USH1C: variants seen among roughly 807,000 people sequenced by gnomAD.
The protein encoded by USH1C is USH1 protein network component harmonin.
A neutral mutation model predicts 119.3 loss-of-function variants in USH1C; 90 were observed. That is an observed-to-expected ratio of 0.75 (90% CI 0.64 to 0.90). The LOEUF (loss-of-function observed/expected upper bound fraction) is 0.90. Among genes scored for constraint, USH1C ranks in the 40% least tolerant of loss-of-function variants. The pLI, the probability that USH1C is intolerant of heterozygous loss-of-function variation, is 0.00. For missense variants in USH1C, 1,165 were observed against 1,167.7 expected (o/e 1.00, Z 0.03); for synonymous variants, 465 against 443.3 (o/e 1.05, Z -0.62).
intron 19 of USH1C, among the ~76,000 whole-genome samples, 159 bp downstream of exon 19, chr11:17,505,671 T>A (rs1466456521): frequency 6.6e-6 from 1 of 152,280 alleles, no homozygotes; most frequent in Admixed American, 6.5e-5. Flanking sequence ...CTTACACCCA[T>A]GTGGCCTCAT....
intron 14 of USH1C, chr11:17,516,696 A>C (rs1850160856): frequency 6.4e-6 from 2 of 312,500 alleles, no homozygotes; most frequent in Admixed American, 4.4e-5. Flanking sequence ...TCCATACAAA[A>C]AATGGCTCGA....
intron 1 of USH1C, among the ~76,000 whole-genome samples, chr11:17,537,605 A>G (rs138419282): frequency 5.5e-4 from 84 of 152,246 alleles, no homozygotes; most frequent in African/African-American, 2.0e-3. Flanking sequence ...ATTCATCACA[A>G]AAAAGTAGGT....
At chr11:17,502,061 C>G in intron 20 of USH1C, 81 bp from the exon 21 acceptor site, 1 of 1,475,560 alleles carries the variant, frequency 6.8e-7, no homozygotes, top group Non-Finnish European at 9.4e-7. Flanking sequence ...GATGAATGGT[C>G]GGAATCCAAG....
In USH1C at chr11:17,527,302, T is replaced by C; in HGVS notation, c.417A>G (p.Gly139=). ...CATGGGTACAGGAGGAGATGGAATA[T>C]CCATTGATCCGGACGATCTCGTCCC... The part of the protein sequence containing the change: ...QVGDEIVRIN[G]YSISSCTHEE... The change falls in exon 5 of 27, where the codon GGA becomes GGG. Residue 139 remains glycine, a synonymous_variant. Transcript: ENST00000005226. 1.2e-6 allele frequency: 2 copies of C among 1,612,880 alleles called. 1 individual carries two copies. Among genetic ancestry groups the C allele is most frequent in the South Asian group, 2.2e-5 (2 of 90,994 alleles).
At chr11:17,509,149 C>T (rs1849758769) in intron 18 of USH1C, among the ~76,000 whole-genome samples, 1 of 152,168 alleles carries the variant, frequency 6.6e-6, no homozygotes, top group Admixed American at 6.5e-5. Flanking sequence ...GGCCATTCAC[C>T]ATACAATACA....
rs773939586 is a variant in USH1C at position 17,521,436 on chromosome 11, T to TGTTTG, written c.1020-30_1020-26dup. 103 of 1,611,830 alleles carry TGTTTG rather than the reference T, an allele frequency of 6.4e-5. No homozygotes were observed. In the Middle Eastern group the frequency reaches 6.6e-4, roughly 10 times the overall value. On this transcript the variant is annotated intron_variant, in intron 12 of 26. Transcript: ENST00000005226. ...TCTGAAACACAAATGCAGATTGGCA[T>TGTTTG]GTTTGGCCCTATGCAAGAGAAATGA...
intron 2 of USH1C, among the ~76,000 whole-genome samples, chr11:17,532,160 G>A (rs561977137): frequency 4.2e-4 from 64 of 152,080 alleles, no homozygotes; most frequent in African/African-American, 1.5e-3. Context: ...TATGATCTCC[G>A]TGCCCTCCCA....
At chr11:17,524,117 G>T (rs886436651) in intron 9 of USH1C, among the ~76,000 whole-genome samples, 3 of 152,120 alleles carry the variant, frequency 2.0e-5, no homozygotes, top group African/African-American at 7.2e-5. Context: ...TGTAAAGTGG[G>T]GATAATGGTG....
intron 10 of USH1C, 44 bp from the exon 11 acceptor site, chr11:17,523,311 A>G (rs764589435): frequency 5.6e-6 from 9 of 1,614,082 alleles, no homozygotes; most frequent in Non-Finnish European, 7.6e-6. Context: ...GACAGACCAC[A>G]GCAGTCCAGG....
chr11:17,533,917 T>G, intron 1 of USH1C: 1 of 329,348 alleles, frequency 3.0e-6, no homozygotes, highest in Non-Finnish European at 6.2e-6. Flanking sequence ...TCCTTCCCCC[T>G]CCCCAGGCCC....
intron 16 of USH1C, among the ~76,000 whole-genome samples, chr11:17,511,255 T>G (rs145811782): frequency 3.9e-3 from 595 of 152,114 alleles, no homozygotes; most frequent in Middle Eastern, 6.8e-3. Context: ...ATAGCCTGAT[T>G]AATTGGGAGA....
intron 12 of USH1C, 52 bp from the exon 13 acceptor site, chr11:17,521,463 C>A (rs1447165267): frequency 6.4e-7 from 1 of 1,562,254 alleles, no homozygotes; most frequent in Non-Finnish European, 8.8e-7. Flanking sequence ...GAGAAATGAA[C>A]TCTTCCTTAC....
chr11:17,540,373 C>T (rs1851412946), intron 1 of USH1C, among the ~76,000 whole-genome samples: 1 of 152,026 alleles, frequency 6.6e-6, no homozygotes, highest in Non-Finnish European at 1.5e-5. Flanking sequence ...TGCTTTCCTT[C>T]CTCGCTTGCT....
rs140462969 is a variant in USH1C, at chr11:17,533,487, A to G, written c.37-165T>C. The G allele has an allele frequency of 6.2e-4, 421 of 683,984 alleles. 3 individuals carry two copies. The East Asian group carries it at 0.01, about 17-fold the overall frequency. 42.4% of individuals were successfully genotyped at this position (683,984 alleles called of 1,614,324 possible). The stretch of plus-strand genomic sequence containing the variant: ...AGGCCAGGCTGCCCCTCTGACCCCA[A>G]TGCATCAGACCTATGCAGACCACCC... On this transcript the variant is annotated intron_variant, in intron 1 of 26. Coordinates refer to ENST00000005226, the MANE Select transcript of USH1C (RefSeq NM_153676.4).
At position 17,520,893 on chromosome 11, in the gene USH1C, G is replaced by A. The variant is rs781424965; in HGVS notation, c.1187C>T (p.Pro396Leu). 43 of 1,614,078 alleles carry A rather than the reference G, an allele frequency of 2.7e-5. 1 individual carries two copies. The South Asian group carries it at 3.4e-4, about 13-fold the overall frequency. The change falls in exon 14 of 27, where the codon CCA becomes CTA. Residue 396 changes from proline to leucine, a missense_variant. Coordinates refer to ENST00000005226, the MANE Select transcript of USH1C (RefSeq NM_153676.4). ...ACACTTTGGCTTGCGAAGGGGTACT[G>A]GGTGTACCTCAGCAGTGATGGTTTT... ...LPKTITAEVH[P>L]VPLRKPKSFG...
rs1005866251 is a variant in USH1C at position 17,523,067 on chromosome 11, T to G, written c.877-141A>C. 26 of 1,573,264 alleles carry G rather than the reference T, an allele frequency of 1.7e-5. No individual in the cohort carries two copies. The Admixed American group carries it at 4.0e-4, about 24-fold the overall frequency. On this transcript the variant is annotated intron_variant, in intron 11 of 26. Coordinates refer to ENST00000005226, the MANE Select transcript of USH1C (RefSeq NM_153676.4). ...CCCGCAATCCCTGACCCAAACTTCT[T>G]GCTGGGCAGAAGTCCTCTCGCTCTG...
intron 9 of USH1C, among the ~76,000 whole-genome samples, chr11:17,524,000 T>G (rs1486734897): frequency 6.6e-6 from 1 of 152,188 alleles, no homozygotes. Context: ...AGGTTAAGGG[T>G]TCCTGCTTTG....
At chr11:17,526,605 C>T (rs1850686839) in intron 7 of USH1C, 148 bp downstream of exon 7, 1 of 1,128,932 alleles carries the variant, frequency 8.9e-7, no homozygotes, top group Non-Finnish European at 1.3e-6. Context: ...CCGAGGGCTG[C>T]TGCCCCACAG....
intron 23 of USH1C, among the ~76,000 whole-genome samples, chr11:17,500,550 GA>G: frequency 6.6e-6 from 1 of 152,324 alleles, no homozygotes; most frequent in South Asian, 2.1e-4. Flanking sequence ...TACCATCACT[GA>G]AAGGACAGGC....
Sources: gnomAD v4.1 joint callset for allele counts (sites outside exome capture counted in the v4.1 genomes callset) on GRCh38, gnomAD v4.1.1 for gene constraint, MANE v1.5 for transcripts, NCBI Gene and HGNC (gene_info 2026-07-23, HGNC 2026-07-21) for gene names.